MTMR10: variants seen among roughly 807,000 people sequenced by gnomAD.
MTMR10 encodes myotubularin related protein 10, also known as myotubularin-related protein 10.
In MTMR10, 56 loss-of-function variants were observed where a neutral mutation model predicts 88.1. That is an observed-to-expected ratio of 0.64 (90% CI 0.51 to 0.79). The LOEUF (loss-of-function observed/expected upper bound fraction) is 0.79. Ranked by LOEUF, MTMR10 falls within the 30% of genes least tolerant of loss-of-function variation. MTMR10 has a pLI of 0.00. For synonymous variants in MTMR10, 380 were observed against 340.9 expected (o/e 1.11, Z -1.26); for missense variants, 883 against 924.7 (o/e 0.95, Z 0.58).
chr15:30,943,012 C>T lies in MTMR10; in HGVS notation c.1609G>A (p.Val537Ile). The change falls in exon 15 of 16, where the codon GTT (valine) becomes ATT (isoleucine). Residue 537 changes from valine to isoleucine, a missense_variant. Coordinates refer to ENST00000435680, the MANE Select transcript of MTMR10 (RefSeq NM_017762.3). ...GDEKGLKFPS[V>I]WDWSLQFTAK... ...GTAAACTGGAGAGACCAGTCCCAAA[C>T]AGAGGGGAATTTTAAGCCCTTCTCA... 1 of 1,551,984 alleles carries T rather than the reference C, an allele frequency of 6.4e-7. No homozygotes were observed. Among genetic ancestry groups the T allele is most frequent in the Non-Finnish European group, 8.7e-7 (1 of 1,147,074 alleles).
At chr15:30,969,042 G>A (rs970339821) in intron 5 of MTMR10, among the ~76,000 whole-genome samples, 3 of 152,172 alleles carry the variant, frequency 2.0e-5, no homozygotes, top group Non-Finnish European at 4.4e-5. Context: ...AGTTAAGGCA[G>A]AATGATATAC....
chr15:30,927,513 C>G, the MTMR10 span: 1 of 985,754 alleles, frequency 1.0e-6, no homozygotes, highest in African/African-American at 1.7e-5. Context: ...CAGAGGTGAC[C>G]CAGGCAGGCA....
At chr15:30,976,161 G>A (rs1323284786) in intron 3 of MTMR10, among the ~76,000 whole-genome samples, 1 of 150,470 alleles carries the variant, frequency 6.6e-6, no homozygotes, top group East Asian at 1.9e-4. Context: ...GGCACTTTGG[G>A]AGGGGGAGGC....
At chr15:30,961,222 T>C in intron 6 of MTMR10, 149 bp from the exon 7 acceptor site, 3 of 1,132,532 alleles carry the variant, frequency 2.6e-6, no homozygotes, top group Non-Finnish European at 3.5e-6. Flanking sequence ...TCTTGCCCTT[T>C]CCATTTAAAA....
the MTMR10 span, chr15:30,928,252 A>G: frequency 8.8e-7 from 1 of 1,133,494 alleles, no homozygotes; most frequent in Non-Finnish European, 1.1e-6. Flanking sequence ...TCTTTTAAAC[A>G]TGTTTCTTAG....
Position 30,956,820 on chromosome 15 carries a change from T to C in MTMR10, c.936-1927A>G, listed in dbSNP as rs184755069. ...TAACTCTCACCCAACAATGCTACAA[T>C]TGTCCCTTTAACAGCAAAATTCCTA... On this transcript the variant is annotated intron_variant, in intron 9 of 15. Coordinates refer to ENST00000435680, the MANE Select transcript of MTMR10 (RefSeq NM_017762.3). Among the ~76,000 whole-genome samples the C allele has an allele frequency of 3.5e-4, 53 of 152,334 alleles. 1 individual carries two copies. Among genetic ancestry groups the C allele is most frequent in the Middle Eastern group, 3.4e-3 (1 of 294 alleles).
the MTMR10 span, chr15:30,930,800 C>A: frequency 8.5e-7 from 1 of 1,183,224 alleles, no homozygotes; most frequent in Non-Finnish European, 1.2e-6. Flanking sequence ...GGCCGAGGGC[C>A]TGGGTTCCTG....
chr15:30,984,794 C>T (rs541867385), intron 2 of MTMR10, among the ~76,000 whole-genome samples: 1 of 152,288 alleles, frequency 6.6e-6, no homozygotes, highest in African/African-American at 2.4e-5. Flanking sequence ...ACTGAGCTGA[C>T]GCACAGCCTC....
chr15:30,955,218 C>T lies in MTMR10; in HGVS notation c.936-325G>A, dbSNP rs1269759469. ...TGGCTTTGACTACTGCAGAATGCTGCCATTCACCTCACTGCCACCCCCACG... is the reference window on the plus strand; with the variant it reads ...TGGCTTTGACTACTGCAGAATGCTGTCATTCACCTCACTGCCACCCCCACG... On this transcript the variant is annotated intron_variant, in intron 9 of 15. Transcript: ENST00000435680. 3.3e-5 allele frequency among the ~76,000 whole-genome samples: 5 copies of T among 152,326 alleles called. No individual in the cohort carries two copies. In the East Asian group the frequency reaches 7.7e-4, roughly 23 times the overall value.
intron 2 of MTMR10, among the ~76,000 whole-genome samples, chr15:30,979,288 T>G (rs2030383780): frequency 2.0e-5 from 3 of 152,156 alleles, no homozygotes; most frequent in South Asian, 2.1e-4. Context: ...ACTTAAAGGC[T>G]GGGCGTGGTG....
At chr15:30,938,940 A>G, downstream of MTMR10, 3 of 985,414 alleles carry the variant, frequency 3.0e-6, no homozygotes, top group Non-Finnish European at 3.6e-6. Flanking sequence ...TGACAACAAC[A>G]AACAGTCGCT....
At chr15:30,960,604 T>C (rs530659277) in intron 7 of MTMR10, among the ~76,000 whole-genome samples, 53 of 152,260 alleles carry the variant, frequency 3.5e-4, no homozygotes, top group African/African-American at 1.2e-3. Context: ...TAGATCCTGA[T>C]ATGAACAAAC....
In MTMR10 at chr15:30,940,421, C is replaced by T. The variant is rs796479829; in HGVS notation, c.*1049G>A. ...TGAGAGAATCCATTTTTTTATTTCT[C>T]CTCTATTCCTAAGCATTAGGAACTA... On this transcript the variant is annotated 3_prime_UTR_variant, in exon 16 of 16. Transcript: ENST00000435680. The T allele has an allele frequency of 1.7e-5, 17 of 985,220 alleles. No individual in the cohort carries two copies. In the South Asian group the frequency reaches 6.6e-4, roughly 38 times the overall value. The allele number at this position is 985,220 out of a possible 1,614,324, so 61.0% of individuals were successfully genotyped here.
the MTMR10 span, chr15:30,926,664 A>G: frequency 1.0e-6 from 1 of 985,432 alleles, no homozygotes. Context: ...AGAGAGATAC[A>G]GTAGGCCTGA....
chr15:30,958,874 C>T lies in MTMR10; in HGVS notation c.924G>A (p.Lys308=). Residue 308 remains lysine (K), a synonymous_variant, in exon 9 of 16, where the codon AAG becomes AAA. Coordinates refer to ENST00000435680, the MANE Select transcript of MTMR10 (RefSeq NM_017762.3). ...ALIKDVLQQR[K]IDQRICNAIT... is the part of the protein sequence containing the mutation. ...CATTTCTCAATTACCTCTGGTCAAT[C>T]TTCCTCTGCTGCAGCACGTCTTTGA... 1 of 1,613,836 alleles carries T rather than the reference C, an allele frequency of 6.2e-7. No individual in the cohort carries two copies. The highest frequency in any genetic ancestry group is 8.5e-7 in the Non-Finnish European group (1 of 1,179,758).
At chr15:30,976,735 TCC>T in intron 3 of MTMR10, 82 bp downstream of exon 3, 1 of 1,422,758 alleles carries the variant, frequency 7.0e-7, no homozygotes, top group Non-Finnish European at 9.5e-7. Flanking sequence ...CTATAACTTT[TCC>T]ATACCTATGT....
chr15:30,977,145 G>A lies in MTMR10; in HGVS notation c.122-190C>T, dbSNP rs142870001. The stretch of plus-strand genomic sequence containing the variant: ...ATGACAAGGCATTGTTCTCCAAGGC[G>A]TAAAACTGAGGCAAAAATAGCTCAG... On this transcript the variant is annotated intron_variant, in intron 2 of 15. Coordinates refer to ENST00000435680, the MANE Select transcript of MTMR10 (RefSeq NM_017762.3). 1.5e-4 allele frequency among the ~76,000 whole-genome samples: 23 copies of A among 152,260 alleles called. No individual in the cohort carries two copies. The East Asian group carries it at 1.7e-3, about 11-fold the overall frequency.
chr15:30,990,032 T>C (rs2031206090), intron 2 of MTMR10, among the ~76,000 whole-genome samples: 2 of 152,284 alleles, frequency 1.3e-5, no homozygotes, highest in East Asian at 1.9e-4. Flanking sequence ...AACAAACCCC[T>C]TTCTACCACC....
At chr15:30,961,526 C>T (rs2063402207) in intron 6 of MTMR10, among the ~76,000 whole-genome samples, 1 of 152,198 alleles carries the variant, frequency 6.6e-6, no homozygotes, top group Non-Finnish European at 1.5e-5. Flanking sequence ...CAGGCATGAG[C>T]CACCACGCCT....
Sources: gnomAD v4.1 joint callset for allele counts (sites outside exome capture counted in the v4.1 genomes callset) on GRCh38, gnomAD v4.1.1 for gene constraint, MANE v1.5 for transcripts, NCBI Gene and HGNC (gene_info 2026-07-23, HGNC 2026-07-21) for gene names.